Variants in CACNG1 observed in about 807,000 individuals in gnomAD.
CACNG1 encodes the protein voltage-dependent calcium channel gamma-1 subunit.
Under a neutral mutation model 22.0 loss-of-function variants are expected in CACNG1, and 21 were observed. The observed-to-expected ratio is 0.95, with a 90% CI of 0.68 to 1.37. The LOEUF is 1.37. CACNG1 is among the 40% of genes most tolerant of loss of function. The pLI, the probability that CACNG1 is intolerant of heterozygous loss-of-function variation, is 0.00. For synonymous variants in CACNG1, 127 were observed against 129.2 expected (o/e 0.98, Z 0.12); for missense variants, 291 against 308.6 (o/e 0.94, Z 0.43).
chr17:67,049,271 T>G (rs2035714619), intron 1 of CACNG1, among the ~76,000 whole-genome samples: 1 of 152,138 alleles, frequency 6.6e-6, no homozygotes, highest in Admixed American at 6.5e-5. Context: ...ATACATATAT[T>G]AGCTCACCTA....
At chr17:67,048,185 A>G (rs955318758) in intron 1 of CACNG1, among the ~76,000 whole-genome samples, 1 of 152,084 alleles carries the variant, frequency 6.6e-6, no homozygotes, top group African/African-American at 2.4e-5. Flanking sequence ...TGTTTAAAAA[A>G]TACTGGCTGG....
At chr17:67,048,336 A>C (rs1333593630) in intron 1 of CACNG1, among the ~76,000 whole-genome samples, 60 of 130,708 alleles carry the variant, frequency 4.6e-4, no homozygotes, top group Non-Finnish European at 6.5e-4. Flanking sequence ...CAAAAAAAAA[A>C]CCCCACAAAA....
chr17:67,048,953 A>G (rs559032117), intron 1 of CACNG1, among the ~76,000 whole-genome samples: 1 of 152,346 alleles, frequency 6.6e-6, no homozygotes, highest in South Asian at 2.1e-4. Flanking sequence ...GTTTATGTAA[A>G]GGGAGTCCCA....
intron 1 of CACNG1, among the ~76,000 whole-genome samples, chr17:67,047,146 T>C (rs116902246): frequency 6.6e-6 from 1 of 152,150 alleles, no homozygotes; most frequent in Non-Finnish European, 1.5e-5. Context: ...TAATGGCACA[T>C]ACATGTAGCC....
chr17:67,050,166 AT>A (rs1244827564), intron 1 of CACNG1, among the ~76,000 whole-genome samples: 1 of 152,220 alleles, frequency 6.6e-6, no homozygotes, highest in Non-Finnish European at 1.5e-5. Context: ...CTAGTGCCCC[AT>A]TTTCCCTACT....
In CACNG1 at chr17:67,056,185, G is replaced by C; in HGVS notation, c.583G>C (p.Gly195Arg). ...ACAAFILLFL[G>R]GLALLLFSLP... is the part of the protein sequence containing the mutation. ...TGCCGCCTTCATCCTCCTCTTTCTC[G>C]GCGGTCTCGCCCTCCTGCTGTTCTC... is the stretch of plus-strand genomic sequence containing the variant. The change falls in exon 4 of 4, where the codon GGC becomes CGC. Residue 195 changes from glycine to arginine, a missense_variant. By Grantham distance (125) the Gly-to-Arg change is moderately radical. Transcript: ENST00000226021. This position sits in a 1 kb window ranked among gnomAD's most constrained non-coding sequence, Gnocchi z 4.3. 6.2e-7 allele frequency: 1 copy of C among 1,613,834 alleles called. No individual in the cohort carries two copies. Among genetic ancestry groups the C allele is most frequent in the Non-Finnish European group, 8.5e-7 (1 of 1,179,988 alleles).
At chr17:67,046,818 G>A (rs1308427824) in intron 1 of CACNG1, among the ~76,000 whole-genome samples, 5 of 152,228 alleles carry the variant, frequency 3.3e-5, no homozygotes, top group Non-Finnish European at 7.3e-5. Flanking sequence ...GGAAGAGACA[G>A]GCTGGTGAGA....
At position 67,055,207 on chromosome 17, in the gene CACNG1, C is replaced by T; in HGVS notation, c.409C>T (p.Leu137=). The T allele has an allele frequency of 6.2e-7, 1 of 1,614,214 alleles. No homozygotes were observed. The highest frequency in any genetic ancestry group is 8.5e-7 in the Non-Finnish European group (1 of 1,180,016). The change falls in exon 3 of 4, where the codon CTG becomes TTG. Residue 137 remains leucine (L), a synonymous_variant. Coordinates refer to ENST00000226021, the MANE Select transcript of CACNG1 (RefSeq NM_000727.4). The surrounding 1 kb of genome is among the most constrained non-coding windows in gnomAD (Gnocchi z 4.5). ...LSLGKKRDYL[L]RPASMFYAFA... is the part of the protein sequence containing the mutation. Reference sequence around the variant, plus strand: ...CCTCGGGAAGAAGAGGGACTATCTGCTGCGACCCGCGTCCATGTTCTATGC... The same window carrying T: ...CCTCGGGAAGAAGAGGGACTATCTGTTGCGACCCGCGTCCATGTTCTATGC...
intron 1 of CACNG1, among the ~76,000 whole-genome samples, chr17:67,046,492 G>A (rs1220268381): frequency 6.6e-6 from 1 of 152,104 alleles, no homozygotes; most frequent in African/African-American, 2.4e-5. Context: ...TGGAGGCCCA[G>A]AAGACTCATA....
chr17:67,045,005 C>T (rs181927901), intron 1 of CACNG1, 116 bp downstream of exon 1: 149 of 790,554 alleles, frequency 1.9e-4, no homozygotes, highest in African/African-American at 1.5e-3. Flanking sequence ...AGGGCAGCCG[C>T]CCAGCCTTTT....
rs896754789 is a variant in CACNG1 at position 67,055,211 on chromosome 17, G to A, written c.413G>A (p.Arg138Gln). 10 of 1,614,024 alleles carry A rather than the reference G, an allele frequency of 6.2e-6. No homozygotes were observed. Among genetic ancestry groups the A allele is most frequent in the Admixed American group, 5.0e-5 (3 of 59,992 alleles). ...GGGAAGAAGAGGGACTATCTGCTGC[G>A]ACCCGCGTCCATGTTCTATGCCTTT... The part of the protein sequence containing the change: ...SLGKKRDYLL[R>Q]PASMFYAFAG... Residue 138 changes from arginine to glutamine, a missense_variant, in exon 3 of 4, where the codon CGA becomes CAA. Transcript: ENST00000226021. This position sits in a 1 kb window ranked among gnomAD's most constrained non-coding sequence, Gnocchi z 4.5.
chr17:67,052,379 G>C (rs76363916), intron 1 of CACNG1, among the ~76,000 whole-genome samples: 2 of 152,298 alleles, frequency 1.3e-5, no homozygotes, highest in Non-Finnish European at 2.9e-5. Flanking sequence ...CCTGGCTCTG[G>C]GGGGAAGGAG....
At position 67,055,096 on chromosome 17, in the gene CACNG1, T is replaced by C; in HGVS notation, c.305-7T>C. On this transcript the variant is annotated splice_region_variant and splice_polypyrimidine_tract_variant and intron_variant, in intron 2 of 3. Coordinates refer to ENST00000226021, the MANE Select transcript of CACNG1 (RefSeq NM_000727.4). The surrounding 1 kb of genome is among the most constrained non-coding windows in gnomAD (Gnocchi z 4.5). ...GGCCGCATGCTGGGTGTCCCTTGTG[T>C]TTGCAGAGTACAGCATCTCGGCAGC... is the stretch of plus-strand genomic sequence containing the variant. 1 of 1,612,414 alleles carries C rather than the reference T, an allele frequency of 6.2e-7. No individual in the cohort carries two copies. Among genetic ancestry groups the C allele is most frequent in the Non-Finnish European group, 8.5e-7 (1 of 1,178,836 alleles).
At position 67,054,089 on chromosome 17, in the gene CACNG1, G is replaced by A. The variant is rs762320226; in HGVS notation, c.304+19G>A. The A allele has an allele frequency of 6.2e-7, 1 of 1,607,786 alleles. No individual in the cohort carries two copies. On this transcript the variant is annotated intron_variant, in intron 2 of 3. Coordinates refer to ENST00000226021, the MANE Select transcript of CACNG1 (RefSeq NM_000727.4). This position sits in a 1 kb window ranked among gnomAD's most constrained non-coding sequence, Gnocchi z 4.6. ...CAGAAGGGTGAGCCTGGGTGGAAAG[G>A]GGTCTGGGGTGACAAGAGGGGACTT...
chr17:67,052,697 A>T (rs769640296), intron 1 of CACNG1, among the ~76,000 whole-genome samples: 3 of 152,238 alleles, frequency 2.0e-5, no homozygotes, highest in Non-Finnish European at 4.4e-5. Context: ...GGAAGGAAAC[A>T]TAATATAAAA....
Position 67,051,353 on chromosome 17 carries a change from G to A in CACNG1, c.230-2643G>A, listed in dbSNP as rs115567133. On this transcript the variant is annotated intron_variant, in intron 1 of 3. Coordinates refer to ENST00000226021, the MANE Select transcript of CACNG1 (RefSeq NM_000727.4). Reference sequence around the variant, plus strand: ...GTCCTAAATGAGGCCTGGGTCTGACGTGCCCCCACCCCTACAGGGGCCATT... The same window carrying A: ...GTCCTAAATGAGGCCTGGGTCTGACATGCCCCCACCCCTACAGGGGCCATT... 6.4e-3 allele frequency among the ~76,000 whole-genome samples: 967 copies of A among 152,222 alleles called. 7 individuals are homozygous for A. Among genetic ancestry groups the A allele is most frequent in the African/African-American group, 0.022 (908 of 41,546 alleles).
chr17:67,047,850 T>C (rs948053436), intron 1 of CACNG1, among the ~76,000 whole-genome samples: 2 of 152,036 alleles, frequency 1.3e-5, no homozygotes, highest in African/African-American at 4.8e-5. Context: ...AGGAAAGACC[T>C]GAGAAGGCCC....
In CACNG1 at chr17:67,055,151, T is replaced by C; in HGVS notation, c.353T>C (p.Ile118Thr). Residue 118 changes from isoleucine (I) to threonine (T), a missense_variant, in exon 3 of 4, where the codon ATC (isoleucine) becomes ACC (threonine). By Grantham distance (89) the Ile-to-Thr change is moderately conservative (BLOSUM62 -1). Coordinates refer to ENST00000226021, the MANE Select transcript of CACNG1 (RefSeq NM_000727.4). This position sits in a 1 kb window ranked among gnomAD's most constrained non-coding sequence, Gnocchi z 4.5. ...ATCGCCATCTTCAGCCTTGGCTTCA[T>C]CATCCTGGGCAGCCTCTGTGTCCTC... ...AAIAIFSLGF[I>T]ILGSLCVLLS... is the part of the protein sequence containing the mutation. The C allele has an allele frequency of 6.2e-7, 1 of 1,614,230 alleles. No individual in the cohort carries two copies. The highest frequency in any genetic ancestry group is 1.1e-5 in the South Asian group (1 of 91,082).
At chr17:67,048,613 C>T (rs2035711286) in intron 1 of CACNG1, among the ~76,000 whole-genome samples, 1 of 152,044 alleles carries the variant, frequency 6.6e-6, no homozygotes, top group Non-Finnish European at 1.5e-5. Flanking sequence ...ATTGGACTTA[C>T]TAGACAAAAA....
Sources: gnomAD v4.1 joint callset for allele counts (sites outside exome capture counted in the v4.1 genomes callset) on GRCh38, gnomAD v4.1.1 for gene constraint, Gnocchi (gnomAD v3.1) non-coding constraint, MANE v1.5 for transcripts, NCBI Gene and HGNC (gene_info 2026-07-23, HGNC 2026-07-21) for gene names.